The following SPIRE1 variants were observed in gnomAD, a reference collection of about 807,000 sequenced individuals.
SPIRE1 encodes the protein spire type actin nucleation factor 1.
SPIRE1 carries 40 observed loss-of-function variants against 94.1 expected under a neutral mutation model. The ratio of observed to expected loss-of-function variants is 0.43; its 90% confidence interval spans 0.33 to 0.55. The LOEUF (loss-of-function observed/expected upper bound fraction) is 0.55, where lower values mean the gene tolerates loss of function less well. Ranked by LOEUF, SPIRE1 falls within the 20% of genes least tolerant of loss-of-function variation. The pLI is 0.06. For missense variants in SPIRE1, 838 were observed against 975.2 expected (o/e 0.86, Z 1.87); for synonymous variants, 376 against 371.7 (o/e 1.01, Z -0.13).
chr18:12,532,178 C>T (rs193220453), intron 4 of SPIRE1, among the ~76,000 whole-genome samples: 9 of 152,248 alleles, frequency 5.9e-5, no homozygotes, highest in African/African-American at 2.2e-4. Context: ...AAAATCATCA[C>T]ATCATGAAAG....
At position 12,600,071 on chromosome 18, in the gene SPIRE1, G is replaced by A. The variant is rs576225920; in HGVS notation, c.372+34991C>T. ...GGAACTGCAGATAGATAGTCTCTAC[G>A]TGCTGAGGGCATTCTCCAGCCAATG... is the stretch of plus-strand genomic sequence containing the variant. On this transcript the variant is annotated intron_variant, in intron 2 of 16. Transcript: ENST00000409402. Among the ~76,000 whole-genome samples the A allele has an allele frequency of 1.2e-4, 17 of 146,656 alleles. No individual in the cohort carries two copies. In the South Asian group the frequency reaches 2.4e-3, roughly 21 times the overall value.
At position 12,651,716 on chromosome 18, in the gene SPIRE1, C is replaced by A. The variant is rs115499485; in HGVS notation, c.337+5814G>T. Reference sequence around the variant, plus strand: ...AAAACATATTTTTTCACTATTTCAACCTTTTCCACAAATATTCTCTCTTTA... The same window carrying A: ...AAAACATATTTTTTCACTATTTCAAACTTTTCCACAAATATTCTCTCTTTA... On this transcript the variant is annotated intron_variant, in intron 1 of 16. Transcript: ENST00000409402. 6.7e-3 allele frequency among the ~76,000 whole-genome samples: 1,027 copies of A among 152,208 alleles called. 16 individuals carry two copies. The highest frequency in any genetic ancestry group is 0.023 in the African/African-American group (937 of 41,530).
chr18:12,565,444 A>G (rs1185639240), intron 2 of SPIRE1, among the ~76,000 whole-genome samples: 1 of 152,024 alleles, frequency 6.6e-6, no homozygotes, highest in Non-Finnish European at 1.5e-5. Context: ...GTGCAATCAC[A>G]GCTCACTGCA....
intron 4 of SPIRE1, among the ~76,000 whole-genome samples, chr18:12,518,831 T>C (rs1373579002): frequency 6.6e-6 from 1 of 152,152 alleles, no homozygotes; most frequent in Non-Finnish European, 1.5e-5. Flanking sequence ...GCCACACAGA[T>C]TATGAGCTAT....
chr18:12,606,545 T>TC (rs1156500689), intron 2 of SPIRE1, among the ~76,000 whole-genome samples: 1 of 151,884 alleles, frequency 6.6e-6, no homozygotes, highest in African/African-American at 2.4e-5. Flanking sequence ...TTTTTTTTTT[T>TC]TTTGAGACAG....
intron 10 of SPIRE1, among the ~76,000 whole-genome samples, 177 bp from the exon 11 acceptor site, chr18:12,465,135 GCCTTGGCTC>G (rs2032038078): frequency 2.0e-5 from 3 of 152,128 alleles, no homozygotes; most frequent in Admixed American, 2.0e-4. Flanking sequence ...CTGGGTTTGT[GCCTTGGCTC>G]TGCCCTGATG....
upstream of SPIRE1, among the ~76,000 whole-genome samples, chr18:12,660,954 CTT>C (rs774160073): frequency 2.6e-5 from 4 of 152,274 alleles, no homozygotes; most frequent in Non-Finnish European, 5.9e-5. Context: ...ACACTTGACT[CTT>C]TTTTGTATAA....
intron 1 of SPIRE1, among the ~76,000 whole-genome samples, chr18:12,648,250 A>C (rs1329152740): frequency 6.6e-6 from 1 of 152,156 alleles, no homozygotes; most frequent in Non-Finnish European, 1.5e-5. Context: ...CAACATATTA[A>C]AAAAAGGTAA....
intron 1 of SPIRE1, among the ~76,000 whole-genome samples, chr18:12,640,270 TG>T (rs1317164477): frequency 2.6e-5 from 4 of 152,340 alleles, no homozygotes; most frequent in African/African-American, 9.6e-5. Context: ...TTAAGATAAA[TG>T]GTTCTCAGAA....
intron 2 of SPIRE1, among the ~76,000 whole-genome samples, chr18:12,582,810 T>C (rs145729537): frequency 4.8e-4 from 73 of 152,332 alleles, no homozygotes; most frequent in African/African-American, 1.5e-3. Context: ...TAAATGTTCA[T>C]TGAACACTTA....
At chr18:12,527,835 G>A (rs1598438080) in intron 4 of SPIRE1, among the ~76,000 whole-genome samples, 1 of 152,118 alleles carries the variant, frequency 6.6e-6, no homozygotes, top group Non-Finnish European at 1.5e-5. Flanking sequence ...GGGAGGCCGA[G>A]GTGGGTGGAT....
intron 16 of SPIRE1, chr18:12,450,792 G>A: frequency 1.4e-6 from 1 of 726,450 alleles, no homozygotes; most frequent in East Asian, 2.5e-5. Context: ...ATAAACCCTG[G>A]CATCTCTATT....
intron 2 of SPIRE1, among the ~76,000 whole-genome samples, chr18:12,585,007 T>C (rs1217230951): frequency 2.0e-5 from 3 of 152,152 alleles, no homozygotes; most frequent in Non-Finnish European, 4.4e-5. Flanking sequence ...GGTTTCACCA[T>C]GCTGTTCAGG....
At chr18:12,620,094 C>G (rs1159703727) in intron 2 of SPIRE1, among the ~76,000 whole-genome samples, 1 of 151,998 alleles carries the variant, frequency 6.6e-6, no homozygotes, top group Non-Finnish European at 1.5e-5. Flanking sequence ...CAGGAGGACA[C>G]CTTGAGCCAG....
At chr18:12,600,350 T>C (rs936331824) in intron 2 of SPIRE1, among the ~76,000 whole-genome samples, 3 of 152,202 alleles carry the variant, frequency 2.0e-5, no homozygotes, top group Admixed American at 6.5e-5. Flanking sequence ...AAACGTGTGG[T>C]AACATTGTTA....
chr18:12,497,573 C>G (rs551492192), intron 6 of SPIRE1, among the ~76,000 whole-genome samples: 1 of 152,110 alleles, frequency 6.6e-6, no homozygotes, highest in Admixed American at 6.6e-5. Flanking sequence ...CCCTCTCCCC[C>G]AGTCCTGAAT....
rs1026894625 is a variant in SPIRE1, at chr18:12,559,004, G to A, written c.373-12100C>T. Among the ~76,000 whole-genome samples, 35 of 152,222 alleles carry A rather than the reference G, an allele frequency of 2.3e-4. 1 individual carries two copies. Among genetic ancestry groups the A allele is most frequent in the Non-Finnish European group, 2.9e-5 (2 of 68,026 alleles). On this transcript the variant is annotated intron_variant, in intron 2 of 16. Transcript: ENST00000409402. The surrounding 1 kb of genome is among the most constrained non-coding windows in gnomAD (Gnocchi z 4.7). ...CTCCAAGACCCTACCCAACTCAGGA[G>A]CCCAGCTGGCTTCCCCTAGTGGATC...
chr18:12,593,877 G>A (rs1194179925), intron 2 of SPIRE1, among the ~76,000 whole-genome samples: 2 of 152,040 alleles, frequency 1.3e-5, no homozygotes, highest in African/African-American at 2.4e-5. Flanking sequence ...GCTTGAACCC[G>A]GGAGGCGGAG....
intron 10 of SPIRE1, among the ~76,000 whole-genome samples, chr18:12,474,808 G>T (rs2032499374): frequency 6.6e-6 from 1 of 152,074 alleles, no homozygotes; most frequent in Non-Finnish European, 1.5e-5. Context: ...AATGTAGTGA[G>T]GCTCCATCTC....
Sources: allele counts gnomAD v4.1 joint callset (sites outside exome capture counted in the v4.1 genomes callset), GRCh38; gene constraint gnomAD v4.1.1; non-coding constraint Gnocchi (gnomAD v3.1); transcripts MANE v1.5; gene names NCBI Gene and HGNC (gene_info 2026-07-23, HGNC 2026-07-21).